The following DCAF8L2 variants were observed in gnomAD, a reference collection of about 807,000 sequenced individuals.
The protein encoded by DCAF8L2 is DDB1 and CUL4 associated factor 8 like 2, also known as DDB1- and CUL4-associated factor 8-like protein 2.
For synonymous variants in DCAF8L2, 200 were observed against 190.9 expected (o/e 1.05, Z -0.39); for missense variants, 430 against 490.7 (o/e 0.88, Z 1.17).
chrX:27,619,991 A>T (rs1312834325), intron 1 of DCAF8L2, among the ~76,000 whole-genome samples: 1 of 112,130 alleles, frequency 8.9e-6, no homozygotes, highest in Non-Finnish European at 1.9e-5. Flanking sequence ...ATTGGCAAAA[A>T]GACATGAAAA....
At chrX:27,540,906 C>T in the DCAF8L2 span, among the ~76,000 whole-genome samples, 3 of 111,377 alleles carry the variant, frequency 2.7e-5, no homozygotes, top group Non-Finnish European at 3.8e-5. Context: ...AATACACACA[C>T]GAAGAAACAG....
chrX:27,557,942 A>G, the DCAF8L2 span, among the ~76,000 whole-genome samples: 4 of 111,475 alleles, frequency 3.6e-5, no homozygotes, highest in African/African-American at 6.5e-5. Context: ...AGTGAGACAA[A>G]CTAGAGTCTC....
the DCAF8L2 span, among the ~76,000 whole-genome samples, chrX:27,482,090 C>A: frequency 9.0e-6 from 1 of 111,594 alleles, no homozygotes; most frequent in Non-Finnish European, 1.9e-5. Flanking sequence ...TTATTTCCCA[C>A]ATTCCTTCAC....
At chrX:27,670,174 T>TTTTG (rs147859168) in intron 2 of DCAF8L2, among the ~76,000 whole-genome samples, 4 of 105,499 alleles carry the variant, frequency 3.8e-5, no homozygotes, top group East Asian at 6.0e-4. Flanking sequence ...TTGGTTTTAT[T>TTTTG]TTTGTTTGTT....
intron 1 of DCAF8L2, among the ~76,000 whole-genome samples, chrX:27,618,753 C>T (rs1192288800): frequency 9.0e-6 from 1 of 111,490 alleles, no homozygotes; most frequent in Admixed American, 9.6e-5. Flanking sequence ...GTGTTCAAAA[C>T]TCAGTCCTCC....
chrX:27,663,119 A>G (rs1420832308), intron 2 of DCAF8L2, among the ~76,000 whole-genome samples: 1 of 111,899 alleles, frequency 8.9e-6, no homozygotes, highest in African/African-American at 3.2e-5. Flanking sequence ...AAGACATAGC[A>G]TAAAATAAAT....
chrX:27,537,692 A>G, the DCAF8L2 span, among the ~76,000 whole-genome samples: 18 of 112,075 alleles, frequency 1.6e-4, no homozygotes, highest in African/African-American at 5.5e-4. Flanking sequence ...GTATGTGCAC[A>G]TGTATTTCCA....
chrX:27,546,474 G>A, the DCAF8L2 span, among the ~76,000 whole-genome samples: 1 of 112,160 alleles, frequency 8.9e-6, no homozygotes, highest in African/African-American at 3.2e-5. Flanking sequence ...CAGTGCTGCA[G>A]TGGGGACTCT....
intron 2 of DCAF8L2, among the ~76,000 whole-genome samples, chrX:27,668,883 C>T (rs184775688): frequency 1.3e-3 from 136 of 108,232 alleles, no homozygotes; most frequent in African/African-American, 4.4e-3. Context: ...TGCAGTGAGC[C>T]GGGATCGTGC....
intron 2 of DCAF8L2, among the ~76,000 whole-genome samples, chrX:27,649,526 A>G (rs1929070506): frequency 8.9e-6 from 1 of 111,966 alleles, no homozygotes; most frequent in South Asian, 3.7e-4. Flanking sequence ...ATAATATCTT[A>G]CTATGGTTTT....
the DCAF8L2 span, among the ~76,000 whole-genome samples, chrX:27,550,536 T>C: frequency 9.0e-6 from 1 of 111,336 alleles, no homozygotes; most frequent in African/African-American, 3.3e-5. Context: ...GGTGATAGCT[T>C]ACAAGATCCT....
At position 27,696,532 on chromosome X, in the gene DCAF8L2, G is replaced by A. The variant is rs767994480; in HGVS notation, c.-143+18620G>A. On this transcript the variant is annotated intron_variant, in intron 3 of 4. Coordinates refer to ENST00000451261, the MANE Select transcript of DCAF8L2 (RefSeq NM_001353450.2). ...CTTTGTTTTAATTCCATAATTTTAT[G>A]ATACCTAGTCCTCATATTTGCTATT... Among the ~76,000 whole-genome samples the A allele has an allele frequency of 7.2e-5, 8 of 111,368 alleles. No homozygotes were observed. In the East Asian group the frequency reaches 1.1e-3, roughly 16 times the overall value.
At chrX:27,670,085 T>C (rs1455314113) in intron 2 of DCAF8L2, among the ~76,000 whole-genome samples, 1 of 108,954 alleles carries the variant, frequency 9.2e-6, no homozygotes, top group African/African-American at 3.3e-5. Context: ...TAGTCTCAAT[T>C]ACATAATCTT....
At chrX:27,482,621 A>G in the DCAF8L2 span, among the ~76,000 whole-genome samples, 1 of 111,865 alleles carries the variant, frequency 8.9e-6, no homozygotes, top group African/African-American at 3.2e-5. Flanking sequence ...AATATGTTGT[A>G]TTTGGTACTT....
At chrX:27,676,930 T>C (rs1930159210) in intron 2 of DCAF8L2, 1 of 111,623 alleles carries the variant, frequency 9.0e-6, no homozygotes, top group Non-Finnish European at 1.9e-5. Flanking sequence ...AACAAAATGC[T>C]GTCTTCTTCC....
intron 4 of DCAF8L2, among the ~76,000 whole-genome samples, chrX:27,727,861 G>A (rs917273620): frequency 5.4e-5 from 6 of 111,020 alleles, no homozygotes; most frequent in Admixed American, 1.9e-4. Context: ...TTTCTGTGAC[G>A]AGATTTTGGA....
intron 2 of DCAF8L2, among the ~76,000 whole-genome samples, chrX:27,647,843 AT>A (rs1006910339): frequency 9.0e-5 from 10 of 111,560 alleles, no homozygotes; most frequent in Non-Finnish European, 1.7e-4. Context: ...TCAGGGAAGA[AT>A]TTTTTTCTAA....
intron 4 of DCAF8L2, among the ~76,000 whole-genome samples, chrX:27,732,214 G>A (rs1921246766): frequency 9.0e-6 from 1 of 111,255 alleles, no homozygotes; most frequent in African/African-American, 3.3e-5. Flanking sequence ...TCTTCATGCT[G>A]TACATAAGAT....
At chrX:27,511,996 A>G in the DCAF8L2 span, among the ~76,000 whole-genome samples, 1 of 112,151 alleles carries the variant, frequency 8.9e-6, no homozygotes, top group African/African-American at 3.2e-5. Context: ...TAAAACATTG[A>G]TGAAAGAAAT....
Sources: gnomAD v4.1 joint callset for allele counts (sites outside exome capture counted in the v4.1 genomes callset) on GRCh38, gnomAD v4.1.1 for gene constraint, MANE v1.5 for transcripts, NCBI Gene and HGNC (gene_info 2026-07-23, HGNC 2026-07-21) for gene names.